CRTC3: variants seen among roughly 807,000 people sequenced by gnomAD.
CRTC3 encodes CREB regulated transcription coactivator 3.
In CRTC3, 26 loss-of-function variants were observed where a neutral mutation model predicts 74.5. The ratio of observed to expected loss-of-function variants is 0.35; its 90% confidence interval spans 0.26 to 0.48. The LOEUF (loss-of-function observed/expected upper bound fraction) is 0.48, where lower values mean the gene tolerates loss of function less well. Among genes scored for constraint, CRTC3 ranks in the 20% least tolerant of loss-of-function variants. The pLI is 0.99. For synonymous variants in CRTC3, 377 were observed against 325.8 expected, an observed-to-expected ratio of 1.16 and a Z score of -1.69; for missense variants, 760 against 787.3, an observed-to-expected ratio of 0.97 and a Z score of 0.41.
chr15:90,580,871 G>A (rs1252211798), intron 2 of CRTC3, among the ~76,000 whole-genome samples: 2 of 151,916 alleles, frequency 1.3e-5, no homozygotes, highest in Admixed American at 1.3e-4. Context: ...TGGTAGCTTG[G>A]TTCGTTATGG....
chr15:90,640,724 C>G (rs1453245470), intron 13 of CRTC3, among the ~76,000 whole-genome samples: 1 of 151,872 alleles, frequency 6.6e-6, no homozygotes, highest in Admixed American at 6.6e-5. Flanking sequence ...GTCCATACTT[C>G]CTTGGTTATA....
chr15:90,599,885 A>T (rs558665616), intron 3 of CRTC3, among the ~76,000 whole-genome samples: 1 of 152,360 alleles, frequency 6.6e-6, no homozygotes, highest in East Asian at 1.9e-4. Context: ...TCCTGAAATT[A>T]AGCGTTTCTG....
intron 13 of CRTC3, among the ~76,000 whole-genome samples, chr15:90,639,062 T>C (rs1449891661): frequency 6.6e-6 from 1 of 152,114 alleles, no homozygotes; most frequent in Non-Finnish European, 1.5e-5. Context: ...GATGACACTC[T>C]CGTTGTAGAA....
intron 5 of CRTC3, among the ~76,000 whole-genome samples, chr15:90,605,225 G>C: frequency 6.6e-6 from 1 of 152,174 alleles, no homozygotes; most frequent in East Asian, 1.9e-4. Context: ...TTGCATTCCA[G>C]CCTGGGCAAG....
At chr15:90,540,378 G>A (rs1185317762) in intron 2 of CRTC3, among the ~76,000 whole-genome samples, 2 of 152,282 alleles carry the variant, frequency 1.3e-5, no homozygotes, top group East Asian at 3.9e-4. Context: ...AATTTAAAAT[G>A]TTCTAGTAGC....
In CRTC3 at chr15:90,643,807, T is replaced by G. The variant is rs1363448493; in HGVS notation, c.*1667T>G. Reference sequence around the variant, plus strand: ...GAGAGACGGAAGATGCCAGGACCTTTGCTTGGACAGCCATTGCCCTTCCAG... The same window carrying G: ...GAGAGACGGAAGATGCCAGGACCTTGGCTTGGACAGCCATTGCCCTTCCAG... On this transcript the variant is annotated 3_prime_UTR_variant, in exon 15 of 15. Transcript: ENST00000268184. 1 of 232,380 alleles carries G rather than the reference T, an allele frequency of 4.3e-6. No homozygotes were observed. The highest frequency in any genetic ancestry group is 2.2e-5 in the African/African-American group (1 of 45,220). 14.4% of individuals were successfully genotyped at this position (232,380 alleles called of 1,614,324 possible). A position where few individuals can be genotyped will look rare whatever the true frequency, so the allele number is the denominator to read the frequency against.
chr15:90,603,418 G>A lies in CRTC3; in HGVS notation c.414-967G>A, dbSNP rs145779588. ...AGATCACGCCACTGCACTCCAGCCT[G>A]GGTGACAGAGCGAGACTCCATCTCA... On this transcript the variant is annotated intron_variant, in intron 4 of 14. Transcript: ENST00000268184. Among the ~76,000 whole-genome samples the A allele has an allele frequency of 2.7e-3, 417 of 151,918 alleles. 7 individuals are homozygous for A. The highest frequency in any genetic ancestry group is 0.024 in the Admixed American group (365 of 15,284).
At chr15:90,598,740 TTCACAAAAGAACTGTTGGGAGC>T (rs1967994224) in intron 3 of CRTC3, 2 of 566,512 alleles carry the variant, frequency 3.5e-6, no homozygotes, top group Non-Finnish European at 6.3e-6. Context: ...GCACTTGGAG[TTCACAAAAGAACTGTTGGGAGC>T]TGGAGGTGTC....
intron 2 of CRTC3, among the ~76,000 whole-genome samples, chr15:90,576,716 A>G (rs554291897): frequency 2.6e-5 from 4 of 152,348 alleles, no homozygotes; most frequent in East Asian, 1.9e-4. Context: ...AATGTTTTCA[A>G]TAGAGCAAAC....
intron 6 of CRTC3, among the ~76,000 whole-genome samples, chr15:90,611,391 G>A (rs1430526760): frequency 2.0e-5 from 3 of 152,124 alleles, no homozygotes; most frequent in Admixed American, 6.5e-5. Flanking sequence ...CTTGGTCATC[G>A]CTGTCCCATC....
rs984789682 is a variant in CRTC3 at position 90,598,404 on chromosome 15, C to A, written c.352-3920C>A. On this transcript the variant is annotated intron_variant, in intron 3 of 14. Transcript: ENST00000268184. ...TATCAGAAGAAGAAGAGCTGCTCCC[C>A]TTCCTTTGGTGAAGAGTAAGAACTG... 7.1e-6 allele frequency: 5 copies of A among 702,874 alleles called. No homozygotes were observed. The Admixed American group carries it at 1.0e-4, about 14-fold the overall frequency. 43.5% of individuals were successfully genotyped at this position (702,874 alleles called of 1,614,324 possible).
chr15:90,553,113 A>G (rs1966865070), intron 2 of CRTC3, among the ~76,000 whole-genome samples: 1 of 152,188 alleles, frequency 6.6e-6, no homozygotes, highest in South Asian at 2.1e-4. Context: ...TCCGGGAAAG[A>G]TGTTCACTGA....
Position 90,641,162 on chromosome 15 carries a change from T to C in CRTC3, c.1614T>C (p.Tyr538=). The C allele has an allele frequency of 6.2e-7, 1 of 1,614,090 alleles. No homozygotes were observed. Among genetic ancestry groups the C allele is most frequent in the Non-Finnish European group, 8.5e-7 (1 of 1,179,984 alleles). The change falls in exon 14 of 15, where the codon TAT becomes TAC. Residue 538 remains tyrosine, a synonymous_variant. Coordinates refer to ENST00000268184, the MANE Select transcript of CRTC3 (RefSeq NM_022769.5). ...CTTTTCATTTGAGACCAAGCCCGTA[T>C]TCCAACTGCGGGAGTCTCCCGAACA... The part of the protein sequence containing the change: ...QDSFHLRPSP[Y]SNCGSLPNTI...
intron 2 of CRTC3, among the ~76,000 whole-genome samples, chr15:90,581,760 C>A (rs1159290243): frequency 6.6e-6 from 1 of 152,130 alleles, no homozygotes; most frequent in Non-Finnish European, 1.5e-5. Flanking sequence ...TCTTTTAATT[C>A]CAAATTACAA....
At chr15:90,553,953 G>A (rs1405210002) in intron 2 of CRTC3, among the ~76,000 whole-genome samples, 1 of 152,144 alleles carries the variant, frequency 6.6e-6, no homozygotes, top group Non-Finnish European at 1.5e-5. Context: ...AAGCTTTAGG[G>A]CAGTACAGAG....
At chr15:90,601,041 G>A (rs762885480) in intron 3 of CRTC3, among the ~76,000 whole-genome samples, 7 of 152,172 alleles carry the variant, frequency 4.6e-5, no homozygotes, top group Non-Finnish European at 7.3e-5. Flanking sequence ...GTGGATCACC[G>A]CAATTACTAA....
At chr15:90,636,445 A>G (rs1057131874) in intron 11 of CRTC3, among the ~76,000 whole-genome samples, 21 of 150,876 alleles carry the variant, frequency 1.4e-4, no homozygotes, top group African/African-American at 4.9e-4. Flanking sequence ...ACCTAAAACC[A>G]TAAAAACCCT....
chr15:90,602,275 T>G (rs1186066525), intron 3 of CRTC3, 49 bp from the exon 4 acceptor site: 2 of 1,142,318 alleles, frequency 1.8e-6, no homozygotes, highest in East Asian at 4.8e-5. Flanking sequence ...TTGTTAATTC[T>G]GCTTCATCTT....
intron 9 of CRTC3, 126 bp downstream of exon 9, chr15:90,619,916 A>G (rs1289314944): frequency 2.7e-6 from 2 of 739,806 alleles, no homozygotes; most frequent in Admixed American, 2.6e-5. Flanking sequence ...AGTCAACTGC[A>G]TTTTCATAAA....
Sources: allele counts gnomAD v4.1 joint callset (sites outside exome capture counted in the v4.1 genomes callset), GRCh38; gene constraint gnomAD v4.1.1; transcripts MANE v1.5; gene names NCBI Gene and HGNC (gene_info 2026-07-23, HGNC 2026-07-21).